Variants in OSMR observed in about 807,000 individuals in gnomAD.
The protein encoded by OSMR is oncostatin M receptor, also known as oncostatin-M-specific receptor subunit beta.
Under a neutral mutation model 99.9 loss-of-function variants are expected in OSMR, and 81 were observed. The observed-to-expected ratio is 0.81, with a 90% CI of 0.68 to 0.97. OSMR has a LOEUF of 0.97. Among genes scored for constraint, OSMR ranks in the 50% least tolerant of loss-of-function variants. The pLI, the probability that OSMR is intolerant of heterozygous loss-of-function variation, is 0.00. For synonymous variants in OSMR, 406 were observed against 410.4 expected (o/e 0.99, Z 0.13); for missense variants, 1,099 against 1,153.4 (o/e 0.95, Z 0.68).
chr5:38,861,351 T>C (rs1454433719), intron 1 of OSMR, among the ~76,000 whole-genome samples: 3 of 152,072 alleles, frequency 2.0e-5, no homozygotes, highest in Non-Finnish European at 4.4e-5. Flanking sequence ...TTCAAGCATC[T>C]GTTTAACAAA....
chr5:38,918,242 G>A (rs1746031939), intron 10 of OSMR, among the ~76,000 whole-genome samples: 1 of 151,996 alleles, frequency 6.6e-6, no homozygotes, highest in Non-Finnish European at 1.5e-5. Flanking sequence ...CACACCCCAA[G>A]CAGATAGCCA....
Position 38,933,387 on chromosome 5 carries a change from C to G in OSMR, c.2883C>G (p.Thr961=), listed in dbSNP as rs371224389. The part of the protein sequence containing the change: ...VSLRLALPPP[T]ENSSLSSITL... ...TGCGTCTTGCCTTGCCTCCCCCGAC[C>G]GAGAATAGCAGCCTCTCCTCAATTA... The change falls in exon 18 of 18, where the codon ACC becomes ACG. Residue 961 remains threonine, a synonymous_variant. Transcript: ENST00000274276. 1 of 1,614,048 alleles carries G rather than the reference C, an allele frequency of 6.2e-7. No individual in the cohort carries two copies. The highest frequency in any genetic ancestry group is 8.5e-7 in the Non-Finnish European group (1 of 1,179,932).
chr5:38,883,768 G>A lies in OSMR; in HGVS notation c.419-59G>A. 7 of 1,610,770 alleles carry A rather than the reference G, an allele frequency of 4.3e-6. No individual in the cohort carries two copies. In the South Asian group the frequency reaches 6.6e-5, roughly 15 times the overall value. ...TCTGCTGAAGGCAAATGGATAACTT[G>A]TTTTAAGAGGCTTGAATTTTGAGTG... On this transcript the variant is annotated intron_variant, in intron 4 of 17. Coordinates refer to ENST00000274276, the MANE Select transcript of OSMR (RefSeq NM_003999.3).
intron 9 of OSMR, among the ~76,000 whole-genome samples, chr5:38,916,865 A>G (rs534821419): frequency 6.6e-6 from 1 of 152,264 alleles, no homozygotes; most frequent in South Asian, 2.1e-4. Flanking sequence ...CAGATGCTAG[A>G]GTTTCAAAAC....
In OSMR at chr5:38,923,177, A is replaced by T; in HGVS notation, c.1793A>T (p.Asp598Val). ...TDAFRPGVRYDFRIYGLSTKR... is the reference protein window; with the variant it reads ...TDAFRPGVRYVFRIYGLSTKR... Reference sequence around the variant, plus strand: ...GCTTTTAGGCCAGGAGTTCGATATGACTTCAGAATTTATGGGTTATCTACA... The same window carrying T: ...GCTTTTAGGCCAGGAGTTCGATATGTCTTCAGAATTTATGGGTTATCTACA... Residue 598 changes from aspartate (D) to valine (V), a missense_variant, in exon 13 of 18, where the codon GAC becomes GTC. By Grantham distance (152) the Asp-to-Val change is radical. Transcript: ENST00000274276. The T allele has an allele frequency of 6.2e-7, 1 of 1,613,394 alleles. No individual in the cohort carries two copies. Among genetic ancestry groups the T allele is most frequent in the Non-Finnish European group, 8.5e-7 (1 of 1,179,396 alleles).
At chr5:38,876,834 A>T (rs1450088983) in intron 3 of OSMR, among the ~76,000 whole-genome samples, 1 of 152,212 alleles carries the variant, frequency 6.6e-6, no homozygotes, top group African/African-American at 2.4e-5. Context: ...AAGTGCTAGC[A>T]CTTAATGTTC....
chr5:38,906,390 C>T (rs190228066), intron 9 of OSMR, among the ~76,000 whole-genome samples: 5 of 152,266 alleles, frequency 3.3e-5, no homozygotes, highest in Admixed American at 6.5e-5. Context: ...TGCTGGAAAA[C>T]TCAAATCTTT....
At chr5:38,849,278 A>C (rs902588311) in intron 1 of OSMR, among the ~76,000 whole-genome samples, 1 of 152,172 alleles carries the variant, frequency 6.6e-6, no homozygotes, top group Non-Finnish European at 1.5e-5. Flanking sequence ...CACTTGATAG[A>C]TACGAAGTGG....
intron 5 of OSMR, among the ~76,000 whole-genome samples, chr5:38,884,465 G>A (rs886580106): frequency 1.1e-4 from 16 of 152,204 alleles, no homozygotes; most frequent in African/African-American, 3.9e-4. Flanking sequence ...CAACCATGGA[G>A]TCAGCCAGGA....
chr5:38,906,985 AT>A (rs1745279683), intron 9 of OSMR, among the ~76,000 whole-genome samples: 2 of 152,192 alleles, frequency 1.3e-5, no homozygotes, highest in South Asian at 2.1e-4. Flanking sequence ...AGCAGCCAAA[AT>A]TTTTTTAAAC....
In OSMR at chr5:38,885,337, T is replaced by C. The variant is rs750724190; in HGVS notation, c.704-12T>C. 1 of 1,613,490 alleles carries C rather than the reference T, an allele frequency of 6.2e-7. No homozygotes were observed. The highest frequency in any genetic ancestry group is 2.2e-5 in the East Asian group (1 of 44,886). ...AAGATTTAACTAGGTCTGTTTTCCT[T>C]TGTATGGACAGAAGTACTTGAGGAG... On this transcript the variant is annotated splice_polypyrimidine_tract_variant and intron_variant, in intron 5 of 17. Transcript: ENST00000274276.
At chr5:38,919,522 G>A (rs775963894) in intron 11 of OSMR, 51 of 364,880 alleles carry the variant, frequency 1.4e-4, no homozygotes, top group Non-Finnish European at 2.4e-4. Flanking sequence ...CACAGACTCT[G>A]CCAACTTTGT....
chr5:38,878,778 G>A (rs1047753448), intron 3 of OSMR, among the ~76,000 whole-genome samples: 4 of 152,154 alleles, frequency 2.6e-5, no homozygotes, highest in Admixed American at 2.6e-4. Flanking sequence ...TCAATGAATT[G>A]CAGTACTTAA....
rs138327452 is a variant in OSMR, at chr5:38,861,003, C to T, written c.-13-8029C>T. On this transcript the variant is annotated intron_variant, in intron 1 of 17. Coordinates refer to ENST00000274276, the MANE Select transcript of OSMR (RefSeq NM_003999.3). The stretch of plus-strand genomic sequence containing the variant: ...TGACTAATTCATAGACCCAATGGTC[C>T]TTCAGGAGCTATTTTTCCAAAGAAA... 4.6e-5 allele frequency among the ~76,000 whole-genome samples: 7 copies of T among 152,298 alleles called. No homozygotes were observed. The East Asian group carries it at 1.4e-3, about 29-fold the overall frequency.
At chr5:38,867,795 G>A (rs1742059637) in intron 1 of OSMR, among the ~76,000 whole-genome samples, 1 of 152,190 alleles carries the variant, frequency 6.6e-6, no homozygotes, top group South Asian at 2.1e-4. Flanking sequence ...GAATGGAGAT[G>A]CTCTCACCTC....
chr5:38,945,487 T>G, downstream of OSMR: 1 of 1,592,912 alleles, frequency 6.3e-7, no homozygotes, highest in Non-Finnish European at 8.6e-7. Context: ...ACGTGATCAC[T>G]TACCTGAATG....
intron 9 of OSMR, 145 bp downstream of exon 9, chr5:38,904,648 C>A (rs1199270222): frequency 2.3e-5 from 21 of 931,298 alleles, no homozygotes; most frequent in Non-Finnish European, 3.4e-5. Flanking sequence ...AGATTAGGTG[C>A]CTCATGAGAA....
chr5:38,848,790 G>A (rs376037057), intron 1 of OSMR, among the ~76,000 whole-genome samples: 37 of 151,982 alleles, frequency 2.4e-4, no homozygotes, highest in East Asian at 9.6e-4. Flanking sequence ...TTTTGTGTGT[G>A]TGTGAGATGG....
intron 3 of OSMR, among the ~76,000 whole-genome samples, chr5:38,879,584 C>T (rs563377256): frequency 3.3e-5 from 5 of 149,986 alleles, no homozygotes; most frequent in African/African-American, 1.2e-4. Flanking sequence ...GTACTTCCTT[C>T]TAGCAGGGGT....
Sources: allele counts gnomAD v4.1 joint callset (sites outside exome capture counted in the v4.1 genomes callset), GRCh38; gene constraint gnomAD v4.1.1; transcripts MANE v1.5; gene names NCBI Gene and HGNC (gene_info 2026-07-23, HGNC 2026-07-21).